The following ADAM10 variants were observed in gnomAD, a reference collection of about 807,000 sequenced individuals.
The protein encoded by ADAM10 is disintegrin and metalloproteinase domain-containing protein 10.
Under a neutral mutation model 90.1 loss-of-function variants are expected in ADAM10, and 17 were observed. The observed-to-expected ratio is 0.19, with a 90% CI of 0.13 to 0.28. The LOEUF is 0.28. ADAM10 is among the 10% of genes least tolerant of loss of function. ADAM10 has a pLI of 1.00. For missense variants in ADAM10, 610 were observed against 914.3 expected (o/e 0.67, Z 4.29); for synonymous variants, 310 against 298.6 (o/e 1.04, Z -0.40).
At chr15:58,722,278 G>A (rs1326180277) in intron 1 of ADAM10, among the ~76,000 whole-genome samples, 1 of 151,688 alleles carries the variant, frequency 6.6e-6, no homozygotes, top group Non-Finnish European at 1.5e-5. Context: ...GAAGGTGGAG[G>A]GTGCAGTGAG....
chr15:58,683,428 G>A (rs750915469), intron 2 of ADAM10, among the ~76,000 whole-genome samples: 3 of 152,092 alleles, frequency 2.0e-5, no homozygotes, highest in African/African-American at 7.2e-5. Flanking sequence ...TCTCTATGGT[G>A]GGAAAACTGG....
At chr15:58,699,748 C>T (rs1345892804) in intron 2 of ADAM10, among the ~76,000 whole-genome samples, 1 of 152,040 alleles carries the variant, frequency 6.6e-6, no homozygotes, top group African/African-American at 2.4e-5. Context: ...TGCACTCCAG[C>T]CTGAGCAACA....
chr15:58,734,591 T>G (rs1195267870), intron 1 of ADAM10, among the ~76,000 whole-genome samples: 1 of 151,512 alleles, frequency 6.6e-6, no homozygotes, highest in Non-Finnish European at 1.5e-5. Context: ...TCCCAGCTAC[T>G]TGGGGGGTTG....
At chr15:58,639,766 G>C (rs187363416) in intron 8 of ADAM10, among the ~76,000 whole-genome samples, 1 of 152,040 alleles carries the variant, frequency 6.6e-6, no homozygotes, top group East Asian at 1.9e-4. Flanking sequence ...TTTAAAAAAG[G>C]AGAAAGAAAT....
At chr15:58,630,664 C>T (rs1287166010) in intron 9 of ADAM10, among the ~76,000 whole-genome samples, 1 of 151,978 alleles carries the variant, frequency 6.6e-6, no homozygotes, top group Admixed American at 6.6e-5. Flanking sequence ...ATAAATATTT[C>T]AGATAGGATA....
chr15:58,599,684 A>T lies in ADAM10; in HGVS notation c.2066T>A (p.Ile689Asn). Residue 689 changes from isoleucine (I) to asparagine (N), a missense_variant, in exon 15 of 16, where the codon ATC becomes AAC. Ile to Asn is a moderately radical substitution (Grantham distance 149). Coordinates refer to ENST00000260408, the MANE Select transcript of ADAM10 (RefSeq NM_001110.4). ...WAVLLMGIAL[I>N]MLMAGFIKIC... ...CTTAATAAATCCAGCCATTAGCATG[A>T]TCAGAGCAATTCCCATAAGTAATAC... The T allele has an allele frequency of 1.2e-6, 2 of 1,613,572 alleles. No individual in the cohort carries two copies. The highest frequency in any genetic ancestry group is 8.5e-7 in the Non-Finnish European group (1 of 1,179,758).
chr15:58,717,839 C>A, intron 1 of ADAM10, 112 bp from the exon 2 acceptor site: 2 of 1,430,214 alleles, frequency 1.4e-6, no homozygotes, highest in Non-Finnish European at 1.9e-6. Context: ...CTCCCTAATC[C>A]CAGCACTATT....
intron 2 of ADAM10, among the ~76,000 whole-genome samples, chr15:58,696,462 C>CTTTTTTTTTTTTTTTTTTT (rs1430575266): frequency 7.2e-6 from 1 of 139,296 alleles, no homozygotes. Context: ...TTTTTTCTTT[C>CTTTTTTTTTTTTTTTTTTT]TTTCTTTTTT....
intron 11 of ADAM10, among the ~76,000 whole-genome samples, chr15:58,618,800 C>T (rs1382020012): frequency 6.6e-6 from 1 of 152,020 alleles, no homozygotes; most frequent in Non-Finnish European, 1.5e-5. Context: ...ATCAAAGCCA[C>T]AGTGAGATAC....
chr15:58,616,417 G>C (rs968796164), intron 11 of ADAM10, among the ~76,000 whole-genome samples: 1 of 152,150 alleles, frequency 6.6e-6, no homozygotes. Context: ...CAAAAACAGA[G>C]ATCATATCAA....
rs1255375404 is a variant in ADAM10 at position 58,597,270 on chromosome 15, G to C, written c.*277C>G. 1.9e-6 allele frequency: 2 copies of C among 1,068,516 alleles called. No individual in the cohort carries two copies. The highest frequency in any genetic ancestry group is 1.6e-5 in the African/African-American group (1 of 62,432). 66.2% of individuals were successfully genotyped at this position (1,068,516 alleles called of 1,614,324 possible). A position where few individuals can be genotyped will look rare whatever the true frequency, so the allele number is the denominator to read the frequency against. On this transcript the variant is annotated 3_prime_UTR_variant, in exon 16 of 16. Coordinates refer to ENST00000260408, the MANE Select transcript of ADAM10 (RefSeq NM_001110.4). ...GCAGCAACGAAGAACAGGGAACACG[G>C]GGCACATAATAATATTCTAAGACTT... is the stretch of plus-strand genomic sequence containing the variant.
intron 10 of ADAM10, among the ~76,000 whole-genome samples, chr15:58,625,583 G>A (rs1895912334): frequency 1.3e-5 from 2 of 152,168 alleles, no homozygotes; most frequent in African/African-American, 4.8e-5. Context: ...GGCCACCCTG[G>A]AAAAGAGTTT....
intron 1 of ADAM10, among the ~76,000 whole-genome samples, chr15:58,726,101 T>C (rs1899018239): frequency 6.6e-6 from 1 of 152,294 alleles, no homozygotes; most frequent in African/African-American, 2.4e-5. Context: ...GTGGAATTTA[T>C]GACACACAGA....
intron 2 of ADAM10, among the ~76,000 whole-genome samples, chr15:58,701,868 G>A (rs1898143665): frequency 6.6e-6 from 1 of 152,146 alleles, no homozygotes; most frequent in Non-Finnish European, 1.5e-5. Context: ...CACTTTGGGA[G>A]GACGAGGTGG....
chr15:58,650,805 G>C (rs1896666222), intron 5 of ADAM10, among the ~76,000 whole-genome samples: 1 of 151,978 alleles, frequency 6.6e-6, no homozygotes, highest in Non-Finnish European at 1.5e-5. Context: ...TTTATTTTCA[G>C]GCCAGGTTGC....
chr15:58,639,224 T>A (rs1028197232), intron 8 of ADAM10, among the ~76,000 whole-genome samples: 1 of 152,186 alleles, frequency 6.6e-6, no homozygotes, highest in African/African-American at 2.4e-5. Context: ...CTAAGACTGT[T>A]GGGCTCCACA....
At chr15:58,609,997 C>T in intron 14 of ADAM10, 1 of 325,354 alleles carries the variant, frequency 3.1e-6, no homozygotes, top group Non-Finnish European at 5.6e-6. Context: ...TTTTAAGTCC[C>T]ATGAAAATGC....
intron 2 of ADAM10, among the ~76,000 whole-genome samples, chr15:58,691,927 C>G (rs1897822234): frequency 6.6e-6 from 1 of 152,086 alleles, no homozygotes; most frequent in Admixed American, 6.5e-5. Context: ...CTGCCCGCCT[C>G]AGCCTCCCAA....
At chr15:58,712,665 C>CAA (rs373223375) in intron 2 of ADAM10, among the ~76,000 whole-genome samples, 28 of 143,466 alleles carry the variant, frequency 2.0e-4, no homozygotes, top group Admixed American at 9.1e-4. Context: ...TAAAAAATAC[C>CAA]AAAAAAAAAA....
Sources: allele counts gnomAD v4.1 joint callset (sites outside exome capture counted in the v4.1 genomes callset), GRCh38; gene constraint gnomAD v4.1.1; transcripts MANE v1.5; gene names NCBI Gene and HGNC (gene_info 2026-07-23, HGNC 2026-07-21).